DST: variants seen among roughly 807,000 people sequenced by gnomAD.
DST encodes dystonin, also known as bullous pemphigoid antigen.
DST carries 253 observed loss-of-function variants against 875.2 expected under a neutral mutation model. The observed-to-expected ratio is 0.29, with a 90% confidence interval of 0.26 to 0.32. The LOEUF (loss-of-function observed/expected upper bound fraction) is 0.32. Ranked by LOEUF, DST falls within the 10% of genes least tolerant of loss-of-function variation. The probability of loss-of-function intolerance (pLI) is 1.00; values close to 1 mark genes in which losing one functional copy is unlikely to be tolerated. For missense variants in DST, 8,287 were observed against 9,111.6 expected (o/e 0.91, Z 3.68); for synonymous variants, 3,124 against 3,197.1 (o/e 0.98, Z 0.77).
chr6:56,692,440 T>C, intron 9 of DST: 2 of 1,289,490 alleles, frequency 1.6e-6, no homozygotes, highest in Non-Finnish European at 2.0e-6. Context: ...ATAAAGGGAA[T>C]GGCATCTCTT....
intron 82 of DST, among the ~76,000 whole-genome samples, chr6:56,495,004 T>C (rs1241004234): frequency 2.0e-5 from 3 of 151,990 alleles, no homozygotes; most frequent in African/African-American, 7.2e-5. Context: ...AAATACACTA[T>C]TATAAGTATA....
chr6:56,818,335 G>A (rs2099769121), intron 4 of DST, among the ~76,000 whole-genome samples: 1 of 152,138 alleles, frequency 6.6e-6, no homozygotes, highest in Non-Finnish European at 1.5e-5. Context: ...AGGTTCAGAA[G>A]GAAAGGTTTC....
At chr6:56,711,797 A>C (rs967278944) in intron 5 of DST, among the ~76,000 whole-genome samples, 12 of 152,306 alleles carry the variant, frequency 7.9e-5, no homozygotes, top group African/African-American at 2.9e-4. Context: ...ATCTTTTAAA[A>C]ATAGGAGGAG....
intron 62 of DST, 90 bp downstream of exon 62, chr6:56,536,689 G>A (rs1584366826): frequency 7.8e-7 from 1 of 1,287,506 alleles, no homozygotes; most frequent in Non-Finnish European, 1.0e-6. Context: ...ATTTAGAAAA[G>A]TTTGGCTACC....
chr6:56,741,566 G>A (rs2099546942), intron 4 of DST, among the ~76,000 whole-genome samples: 1 of 152,174 alleles, frequency 6.6e-6, no homozygotes, highest in Non-Finnish European at 1.5e-5. Flanking sequence ...TAGAGTCAGA[G>A]AATAATTTAA....
intron 102 of DST, chr6:56,461,670 T>TA (rs576700974): frequency 6.6e-4 from 100 of 152,340 alleles, no homozygotes; most frequent in Admixed American, 1.2e-3. Flanking sequence ...AATAACTACT[T>TA]AGACTTTGAG....
rs550257444 is a variant in DST at position 56,801,676 on chromosome 6, T to C, written c.625+49721A>G. 7.9e-5 allele frequency among the ~76,000 whole-genome samples: 12 copies of C among 151,986 alleles called. No individual in the cohort carries two copies. In the South Asian group the frequency reaches 2.3e-3, roughly 29 times the overall value. On this transcript the variant is annotated intron_variant, in intron 4 of 103. Coordinates refer to ENST00000680361, the MANE Select transcript of DST (RefSeq NM_001374736.1). ...GAAGCCCCAAGGAAAAAAATCACAA[T>C]GTAAGTCTAAAGAAGTGATAATATA...
At chr6:56,652,813 G>A (rs1006124298) in intron 10 of DST, among the ~76,000 whole-genome samples, 1 of 152,134 alleles carries the variant, frequency 6.6e-6, no homozygotes, top group Non-Finnish European at 1.5e-5. Flanking sequence ...TTTTAAAAGT[G>A]ACCCTACAAT....
intron 3 of DST, among the ~76,000 whole-genome samples, chr6:56,859,972 A>G (rs527252450): frequency 6.6e-6 from 1 of 152,344 alleles, no homozygotes; most frequent in South Asian, 2.1e-4. Flanking sequence ...TTCCAAGAGT[A>G]TCCTATCCAA....
rs1824315642 is a variant in DST, at chr6:56,954,670, G to A, written c.-83C>T. 1.0e-6 allele frequency: 1 copy of A among 988,184 alleles called. No individual in the cohort carries two copies. Among genetic ancestry groups the A allele is most frequent in the Admixed American group, 5.5e-5 (1 of 18,046 alleles). 61.2% of individuals were successfully genotyped at this position (988,184 alleles called of 1,614,324 possible). A position where few individuals can be genotyped will look rare whatever the true frequency, so the allele number is the denominator to read the frequency against. Reference sequence around the variant, plus strand: ...CCCGCGCTGGGCGCACGCCGGGACGGCGGGCACGGGTGAGCGCGGCTCAGC... The same window carrying A: ...CCCGCGCTGGGCGCACGCCGGGACGACGGGCACGGGTGAGCGCGGCTCAGC... On this transcript the variant is annotated 5_prime_UTR_variant, in exon 1 of 104. Coordinates refer to ENST00000680361, the MANE Select transcript of DST (RefSeq NM_001374736.1).
At chr6:56,698,613 C>A (rs2099277106) in intron 9 of DST, among the ~76,000 whole-genome samples, 2 of 152,208 alleles carry the variant, frequency 1.3e-5, no homozygotes, top group African/African-American at 4.8e-5. Context: ...GCGTGAGCCA[C>A]CGCGCCCAGC....
chr6:56,460,981 A>C (rs1393387801), intron 102 of DST: 2 of 152,166 alleles, frequency 1.3e-5, no homozygotes, highest in Admixed American at 1.3e-4. Flanking sequence ...CACTTTTTCC[A>C]GATCACAACA....
intron 73 of DST, 107 bp downstream of exon 73, chr6:56,511,090 G>A (rs2096466219): frequency 9.4e-6 from 9 of 952,990 alleles, no homozygotes; most frequent in Non-Finnish European, 1.2e-5. Flanking sequence ...AAGAGTGAAT[G>A]TGGTGAAATA....
chr6:56,571,429 G>T (rs1273950059), intron 53 of DST, among the ~76,000 whole-genome samples: 2 of 152,166 alleles, frequency 1.3e-5, no homozygotes, highest in African/African-American at 4.8e-5. Flanking sequence ...TTTAGGTAGA[G>T]AATTCTGAAG....
At chr6:56,580,392 A>C (rs2097950056) in intron 49 of DST, among the ~76,000 whole-genome samples, 1 of 151,996 alleles carries the variant, frequency 6.6e-6, no homozygotes, top group African/African-American at 2.4e-5. Context: ...ACAAAAAAAA[A>C]TTAAAAAATT....
intron 4 of DST, among the ~76,000 whole-genome samples, chr6:56,839,263 C>T (rs1055815711): frequency 4.6e-5 from 7 of 152,208 alleles, no homozygotes; most frequent in African/African-American, 1.7e-4. Flanking sequence ...GGGTACCCTA[C>T]AACCCAGTTT....
intron 4 of DST, among the ~76,000 whole-genome samples, chr6:56,741,850 A>G (rs2099547859): frequency 6.6e-6 from 1 of 152,240 alleles, no homozygotes; most frequent in South Asian, 2.1e-4. Context: ...TCATTTATAG[A>G]TTAAGTTTTC....
intron 5 of DST, among the ~76,000 whole-genome samples, chr6:56,734,783 A>T (rs903486173): frequency 6.6e-6 from 1 of 152,248 alleles, no homozygotes; most frequent in Admixed American, 6.5e-5. Context: ...GTATAAGAAT[A>T]TAATAAGTCT....
At chr6:56,732,453 T>C (rs185507987) in intron 5 of DST, among the ~76,000 whole-genome samples, 1 of 152,292 alleles carries the variant, frequency 6.6e-6, no homozygotes, top group African/African-American at 2.4e-5. Context: ...CCAGAAACAT[T>C]TATAATTTTG....
Sources: allele counts gnomAD v4.1 joint callset (sites outside exome capture counted in the v4.1 genomes callset), GRCh38; gene constraint gnomAD v4.1.1; transcripts MANE v1.5; gene names NCBI Gene and HGNC (gene_info 2026-07-23, HGNC 2026-07-21).